The following UBE3A variants were observed in gnomAD, a reference collection of about 807,000 sequenced individuals.
UBE3A encodes the protein ubiquitin-protein ligase E3A.
A neutral mutation model predicts 83.4 loss-of-function variants in UBE3A; 6 were observed. The observed-to-expected ratio is 0.07, with a 90% confidence interval of 0.04 to 0.14. The LOEUF (loss-of-function observed/expected upper bound fraction) is 0.14, where lower values mean the gene tolerates loss of function less well. UBE3A is among the 10% of genes least tolerant of loss of function. The probability of loss-of-function intolerance (pLI) is 1.00; values close to 1 mark genes in which losing one functional copy is unlikely to be tolerated. For missense variants in UBE3A, 456 were observed against 1,036.1 expected, an observed-to-expected ratio of 0.44 and a Z score of 7.69; for synonymous variants, 337 against 355.4, an observed-to-expected ratio of 0.95 and a Z score of 0.58.
intron 1 of UBE3A, among the ~76,000 whole-genome samples, chr15:25,436,630 TAC>T (rs1895171088): frequency 6.6e-6 from 1 of 152,324 alleles, no homozygotes; most frequent in African/African-American, 2.4e-5. Flanking sequence ...GATTAAATGT[TAC>T]ATGTCAAAGA....
At chr15:25,402,911 C>A (rs915349165) in intron 4 of UBE3A, among the ~76,000 whole-genome samples, 3 of 152,172 alleles carry the variant, frequency 2.0e-5, no homozygotes, top group Non-Finnish European at 4.4e-5. Flanking sequence ...AAGTGCTAGT[C>A]TGCCATCTTG....
chr15:25,386,864 A>G (rs1402825539), intron 4 of UBE3A, among the ~76,000 whole-genome samples: 1 of 152,212 alleles, frequency 6.6e-6, no homozygotes, highest in Non-Finnish European at 1.5e-5. Context: ...AAAGTTAAAA[A>G]GAAACACTTT....
intron 1 of UBE3A, among the ~76,000 whole-genome samples, chr15:25,412,300 T>C (rs1339921316): frequency 6.6e-6 from 1 of 152,196 alleles, no homozygotes; most frequent in Non-Finnish European, 1.5e-5. Flanking sequence ...TCTAATCCTT[T>C]CAAATACCTA....
Position 25,337,368 on chromosome 15 carries a change from C to A in UBE3A, c.*1769G>T, listed in dbSNP as rs553774403. The A allele has an allele frequency of 6.7e-4, 102 of 152,116 alleles. No individual in the cohort carries two copies. The highest frequency in any genetic ancestry group is 2.4e-3 in the African/African-American group (100 of 41,502). 9.4% of individuals were successfully genotyped at this position (152,116 alleles called of 1,614,324 possible). A position where few individuals can be genotyped will look rare whatever the true frequency, so the allele number is the denominator to read the frequency against. On this transcript the variant is annotated 3_prime_UTR_variant, in exon 13 of 13. Coordinates refer to ENST00000648336, the MANE Select transcript of UBE3A (RefSeq NM_130839.5). ...AAGATGACTACAGTTGCACGAAGGT[C>A]CCTTTCATCAAGGTAGCGTATGTAC...
chr15:25,415,173 C>T (rs886753446), intron 1 of UBE3A, among the ~76,000 whole-genome samples: 5 of 152,218 alleles, frequency 3.3e-5, no homozygotes, highest in African/African-American at 1.2e-4. Flanking sequence ...TGTCCTACTA[C>T]AGTGCCCCAT....
At chr15:25,400,671 C>G (rs1038160226) in intron 4 of UBE3A, among the ~76,000 whole-genome samples, 1 of 152,128 alleles carries the variant, frequency 6.6e-6, no homozygotes, top group Non-Finnish European at 1.5e-5. Context: ...TATCTTACAA[C>G]TTTACTGAAT....
chr15:25,434,022 A>G (rs2153188528), intron 1 of UBE3A, among the ~76,000 whole-genome samples: 1 of 152,330 alleles, frequency 6.6e-6, no homozygotes, highest in South Asian at 2.1e-4. Context: ...TGACAGCACC[A>G]CTGCACTCCA....
intron 4 of UBE3A, among the ~76,000 whole-genome samples, chr15:25,386,777 A>G (rs957050485): frequency 6.6e-6 from 1 of 152,126 alleles, no homozygotes; most frequent in African/African-American, 2.4e-5. Flanking sequence ...CCAACAAGAA[A>G]AAGAGTGAAA....
At chr15:25,380,548 G>C (rs563026174) in intron 4 of UBE3A, among the ~76,000 whole-genome samples, 29 of 151,898 alleles carry the variant, frequency 1.9e-4, no homozygotes, top group African/African-American at 6.5e-4. Flanking sequence ...TACTATTAAA[G>C]AAAAGAAGAG....
intron 1 of UBE3A, chr15:25,413,018 A>G: frequency 2.2e-6 from 1 of 452,644 alleles, no homozygotes; most frequent in South Asian, 1.6e-5. Context: ...CACATGACAC[A>G]CAGATCTCAT....
chr15:25,419,836 T>C (rs917940476), intron 1 of UBE3A, among the ~76,000 whole-genome samples: 2 of 151,962 alleles, frequency 1.3e-5, no homozygotes, highest in African/African-American at 2.4e-5. Flanking sequence ...TGAAGGTAGA[T>C]TGAGGTAAGT....
At chr15:25,372,768 C>T (rs928159453) in intron 5 of UBE3A, among the ~76,000 whole-genome samples, 1 of 152,172 alleles carries the variant, frequency 6.6e-6, no homozygotes, top group African/African-American at 2.4e-5. Context: ...ACATACTTGT[C>T]ATCATCAGAT....
chr15:25,408,659 A>T lies in UBE3A; in HGVS notation c.20+429T>A, dbSNP rs1464470801. On this transcript the variant is annotated intron_variant, in intron 3 of 12. Coordinates refer to ENST00000648336, the MANE Select transcript of UBE3A (RefSeq NM_130839.5). ...GTGCAGCTTCTCCATCCTGCAAGCC[A>T]CTCCTTTTACCTCCACTGTAACTCT... 5.6e-6 allele frequency: 9 copies of T among 1,613,380 alleles called. No individual in the cohort carries two copies. In the African/African-American group the frequency reaches 9.3e-5, roughly 17 times the overall value.
chr15:25,333,835 G>A lies in UBE3A; in HGVS notation c.*5302C>T, dbSNP rs1357953714. On this transcript the variant is annotated 3_prime_UTR_variant, in exon 13 of 13. Coordinates refer to ENST00000648336, the MANE Select transcript of UBE3A (RefSeq NM_130839.5). ...TCCATTAATACAACATATTAATAAAGGACAAAACAACATGAAAATCTTGAT... is the reference window on the plus strand; with the variant it reads ...TCCATTAATACAACATATTAATAAAAGACAAAACAACATGAAAATCTTGAT... 6.7e-6 allele frequency: 1 copy of A among 149,668 alleles called. No individual in the cohort carries two copies. The highest frequency in any genetic ancestry group is 1.9e-4 in the East Asian group (1 of 5,138). 9.3% of individuals were successfully genotyped at this position (149,668 alleles called of 1,614,324 possible).
chr15:25,416,852 T>G (rs535261377), intron 1 of UBE3A, among the ~76,000 whole-genome samples: 8 of 152,086 alleles, frequency 5.3e-5, no homozygotes, highest in Non-Finnish European at 1.0e-4. Context: ...CATCCACTGC[T>G]TGGATGTCTG....
intron 8 of UBE3A, among the ~76,000 whole-genome samples, chr15:25,356,358 A>C (rs1036653261): frequency 6.6e-6 from 1 of 152,094 alleles, no homozygotes; most frequent in Non-Finnish European, 1.5e-5. Context: ...AGGAGCAGGC[A>C]CACTCGTTGT....
At chr15:25,430,436 G>A (rs1365394761) in intron 1 of UBE3A, among the ~76,000 whole-genome samples, 1 of 148,366 alleles carries the variant, frequency 6.7e-6, no homozygotes, top group East Asian at 2.0e-4. Flanking sequence ...GACCATTTAA[G>A]AGAGAGATTA....
intron 11 of UBE3A, among the ~76,000 whole-genome samples, chr15:25,344,827 C>T (rs1450820047): frequency 6.6e-6 from 1 of 151,742 alleles, no homozygotes; most frequent in African/African-American, 2.4e-5. Flanking sequence ...ATTTTTTTTC[C>T]CCAAACAGCC....
chr15:25,337,940 T>G lies in UBE3A; in HGVS notation c.*1197A>C, dbSNP rs867947849. The G allele has an allele frequency of 2.6e-5, 4 of 152,124 alleles. No homozygotes were observed. The highest frequency in any genetic ancestry group is 9.7e-5 in the African/African-American group (4 of 41,442). 9.4% of individuals were successfully genotyped at this position (152,124 alleles called of 1,614,324 possible). A position where few individuals can be genotyped will look rare whatever the true frequency, so the allele number is the denominator to read the frequency against. ...AAGTAACGTTTAACATGTTTTGAATTAATTAATTAAATTTAATCTGTGGGG... is the reference window on the plus strand; with the variant it reads ...AAGTAACGTTTAACATGTTTTGAATGAATTAATTAAATTTAATCTGTGGGG... On this transcript the variant is annotated 3_prime_UTR_variant, in exon 13 of 13. Transcript: ENST00000648336.
Sources: gnomAD v4.1 joint callset for allele counts (sites outside exome capture counted in the v4.1 genomes callset) on GRCh38, gnomAD v4.1.1 for gene constraint, MANE v1.5 for transcripts, NCBI Gene and HGNC (gene_info 2026-07-23, HGNC 2026-07-21) for gene names.